The following SLIT3 variants were observed in gnomAD, a reference collection of about 807,000 sequenced individuals.
The protein encoded by SLIT3 is slit guidance ligand 3.
A neutral mutation model predicts 184.0 loss-of-function variants in SLIT3; 68 were observed. The observed-to-expected ratio is 0.37, with a 90% confidence interval of 0.30 to 0.45. SLIT3 has a LOEUF of 0.45. SLIT3 is among the 20% of genes least tolerant of loss of function. SLIT3 has a pLI of 1.00. For missense variants in SLIT3, 1,707 were observed against 2,026.0 expected (o/e 0.84, Z 3.02); for synonymous variants, 831 against 828.6 (o/e 1.00, Z -0.05).
chr5:169,221,376 G>C (rs574118722), intron 3 of SLIT3, among the ~76,000 whole-genome samples: 1 of 152,258 alleles, frequency 6.6e-6, no homozygotes, highest in African/African-American at 2.4e-5. Context: ...CATTATGTGA[G>C]TGTCAATACA....
intron 3 of SLIT3, among the ~76,000 whole-genome samples, chr5:169,232,243 G>A (rs1321156460): frequency 6.6e-6 from 1 of 151,970 alleles, no homozygotes; most frequent in African/African-American, 2.4e-5. Context: ...TTATTTTTTT[G>A]AGATGGAGCC....
At chr5:168,696,161 C>T in intron 28 of SLIT3, 131 bp downstream of exon 28, 1 of 1,142,352 alleles carries the variant, frequency 8.8e-7, no homozygotes, top group Non-Finnish European at 1.3e-6. Flanking sequence ...CCCCTCTTGG[C>T]ATATCACAGT....
chr5:169,236,468 GTT>G (rs1233351135), intron 3 of SLIT3, among the ~76,000 whole-genome samples: 2 of 109,528 alleles, frequency 1.8e-5, no homozygotes, highest in Admixed American at 1.8e-4. Context: ...CAAGAAAAGT[GTT>G]TTGTTTTGTT....
intron 4 of SLIT3, among the ~76,000 whole-genome samples, chr5:168,905,830 A>T (rs1761032287): frequency 6.6e-6 from 1 of 152,212 alleles, no homozygotes; most frequent in African/African-American, 2.4e-5. Flanking sequence ...GGAAATATTT[A>T]GGCACACGTG....
At chr5:169,047,729 T>C (rs1757673963) in intron 4 of SLIT3, among the ~76,000 whole-genome samples, 1 of 152,116 alleles carries the variant, frequency 6.6e-6, no homozygotes, top group Non-Finnish European at 1.5e-5. Flanking sequence ...ATGCTGTCTT[T>C]TTTCTTTTTT....
chr5:169,238,844 T>C (rs1417775507), intron 3 of SLIT3, among the ~76,000 whole-genome samples: 1 of 152,176 alleles, frequency 6.6e-6, no homozygotes, highest in Non-Finnish European at 1.5e-5. Context: ...ATGGTTCCTT[T>C]GTACTTACCA....
At position 168,772,800 on chromosome 5, in the gene SLIT3, G is replaced by A. The variant is rs761488392; in HGVS notation, c.1440C>T (p.Ser480=). The A allele has an allele frequency of 3.7e-5, 60 of 1,614,174 alleles. No homozygotes were observed. Among genetic ancestry groups the A allele is most frequent in the Non-Finnish European group, 5.1e-5 (60 of 1,180,034 alleles). Residue 480 remains serine (S), a synonymous_variant, in exon 14 of 36, where the codon AGC becomes AGT. Transcript: ENST00000519560. ...LANKRISQIK[S]KKFRCSGSED... ...GATTACCTGAGCAGCGGAACTTCTT[G>A]CTCTTGATCTGGCTGATGCGCTTGT...
At chr5:169,191,878 C>T (rs934266834) in intron 4 of SLIT3, among the ~76,000 whole-genome samples, 2 of 152,102 alleles carry the variant, frequency 1.3e-5, no homozygotes, top group African/African-American at 4.8e-5. Flanking sequence ...ATGCTCAGAC[C>T]CCACCCACAT....
At chr5:168,988,712 A>G (rs1445023071) in intron 4 of SLIT3, among the ~76,000 whole-genome samples, 1 of 152,132 alleles carries the variant, frequency 6.6e-6, no homozygotes, top group Non-Finnish European at 1.5e-5. Flanking sequence ...TTTAAATTTC[A>G]CCTGGATGGA....
chr5:168,952,754 A>G (rs1195008984), intron 4 of SLIT3, among the ~76,000 whole-genome samples: 3 of 152,236 alleles, frequency 2.0e-5, no homozygotes, highest in Non-Finnish European at 2.9e-5. Context: ...TCCAGAGATT[A>G]GGCCTTGTTA....
intron 4 of SLIT3, among the ~76,000 whole-genome samples, chr5:168,904,492 T>TAAC (rs1391497858): frequency 1.6e-5 from 2 of 121,524 alleles, no homozygotes; most frequent in Non-Finnish European, 3.4e-5. Flanking sequence ...GAAATAACAA[T>TAAC]AATAATAATA....
chr5:169,003,592 G>A (rs1755800639), intron 4 of SLIT3, among the ~76,000 whole-genome samples: 1 of 152,224 alleles, frequency 6.6e-6, no homozygotes, highest in Non-Finnish European at 1.5e-5. Context: ...CTGAAGGAGT[G>A]GGCTGTGTAT....
chr5:168,758,124 C>T (rs1755017291), intron 16 of SLIT3, among the ~76,000 whole-genome samples: 1 of 152,168 alleles, frequency 6.6e-6, no homozygotes, highest in Non-Finnish European at 1.5e-5. Context: ...ACATCTGTCC[C>T]TTTTGATGAG....
chr5:169,162,707 A>T (rs1371086912), intron 4 of SLIT3, among the ~76,000 whole-genome samples: 1 of 152,176 alleles, frequency 6.6e-6, no homozygotes, highest in East Asian at 1.9e-4. Flanking sequence ...GACTTTAATG[A>T]AGTCACTTAA....
chr5:168,950,931 C>G (rs977092652), intron 4 of SLIT3, among the ~76,000 whole-genome samples: 1 of 152,214 alleles, frequency 6.6e-6, no homozygotes, highest in Non-Finnish European at 1.5e-5. Context: ...AAACAAACAC[C>G]AAACCTGAGC....
chr5:168,745,249 G>A (rs781036908), intron 20 of SLIT3, among the ~76,000 whole-genome samples: 8 of 152,204 alleles, frequency 5.3e-5, no homozygotes, highest in African/African-American at 1.9e-4. Context: ...AACTTGAGCA[G>A]ATAAGGAGTT....
At chr5:169,064,541 A>G (rs1013531449) in intron 4 of SLIT3, among the ~76,000 whole-genome samples, 3 of 152,238 alleles carry the variant, frequency 2.0e-5, no homozygotes, top group Non-Finnish European at 4.4e-5. Context: ...TTTAGGTTAC[A>G]TAGCTGGAAA....
intron 9 of SLIT3, among the ~76,000 whole-genome samples, chr5:168,799,416 T>C (rs1448033775): frequency 1.3e-5 from 2 of 152,154 alleles, no homozygotes; most frequent in South Asian, 2.1e-4. Context: ...AAAACAAACA[T>C]ACAAATCAAA....
chr5:169,085,083 A>G (rs1759236744), intron 4 of SLIT3, among the ~76,000 whole-genome samples: 1 of 152,236 alleles, frequency 6.6e-6, no homozygotes, highest in Non-Finnish European at 1.5e-5. Flanking sequence ...GAAAATTCCT[A>G]CTGGGTTACC....
Sources: gnomAD v4.1 joint callset for allele counts (sites outside exome capture counted in the v4.1 genomes callset) on GRCh38, gnomAD v4.1.1 for gene constraint, MANE v1.5 for transcripts, NCBI Gene and HGNC (gene_info 2026-07-23, HGNC 2026-07-21) for gene names.